The following ATP8B4 variants were observed in gnomAD, a reference collection of about 807,000 sequenced individuals.
ATP8B4 encodes the protein probable phospholipid-transporting ATPase IM.
A neutral mutation model predicts 145.6 loss-of-function variants in ATP8B4; 133 were observed. That is an observed-to-expected ratio of 0.91 (90% confidence interval 0.79 to 1.05). ATP8B4 has a LOEUF of 1.05. ATP8B4 is among the 50% of genes least tolerant of loss of function. The pLI is 0.00. For missense variants in ATP8B4, 1,458 were observed against 1,425.2 expected (o/e 1.02, Z -0.37); for synonymous variants, 507 against 492.9 (o/e 1.03, Z -0.38).
chr15:49,887,401 G>C (rs1358346112), intron 23 of ATP8B4, among the ~76,000 whole-genome samples: 3 of 151,712 alleles, frequency 2.0e-5, no homozygotes, highest in South Asian at 4.2e-4. Flanking sequence ...AGAGGGGCAG[G>C]GTGGAGGTTG....
chr15:49,942,601 T>C (rs1338056138), intron 14 of ATP8B4, among the ~76,000 whole-genome samples: 1 of 151,478 alleles, frequency 6.6e-6, no homozygotes, highest in East Asian at 1.9e-4. Flanking sequence ...GGAATAGAAG[T>C]AAGAAAAGTC....
At chr15:50,002,281 T>A in intron 7 of ATP8B4, 58 bp from the exon 8 acceptor site, 1 of 1,395,082 alleles carries the variant, frequency 7.2e-7, no homozygotes, top group Non-Finnish European at 1.0e-6. Flanking sequence ...TTGAAAGTCT[T>A]CTACAGTATA....
At chr15:50,032,443 A>G (rs927969183) in intron 6 of ATP8B4, among the ~76,000 whole-genome samples, 3 of 152,194 alleles carry the variant, frequency 2.0e-5, no homozygotes, top group Non-Finnish European at 2.9e-5. Context: ...ATTGATGGGC[A>G]TTTGGGTTGG....
intron 3 of ATP8B4, among the ~76,000 whole-genome samples, chr15:50,061,669 T>C (rs1204363493): frequency 1.3e-5 from 2 of 152,198 alleles, no homozygotes; most frequent in African/African-American, 4.8e-5. Context: ...AGTTTAGGTT[T>C]AGATCTACTT....
At chr15:50,162,876 T>C (rs552276193) in intron 1 of ATP8B4, among the ~76,000 whole-genome samples, 319 of 152,304 alleles carry the variant, frequency 2.1e-3, no homozygotes, top group African/African-American at 7.4e-3. Flanking sequence ...ACTAATTCTT[T>C]ATTCTGCTTG....
At chr15:50,038,951 A>C in intron 5 of ATP8B4, 122 bp from the exon 6 acceptor site, 3 of 805,098 alleles carry the variant, frequency 3.7e-6, no homozygotes, top group Non-Finnish European at 6.1e-6. Context: ...CTAAGATGAC[A>C]CTGTTTGAGC....
chr15:50,031,273 C>T (rs1004070515), intron 6 of ATP8B4, among the ~76,000 whole-genome samples: 10 of 152,068 alleles, frequency 6.6e-5, no homozygotes, highest in African/African-American at 1.7e-4. Context: ...AATCTTCTTT[C>T]AAATCTGCAA....
Position 50,135,926 on chromosome 15 carries a change from G to A in ATP8B4, c.-42-28918C>T, listed in dbSNP as rs147520297. 7.0e-4 allele frequency among the ~76,000 whole-genome samples: 107 copies of A among 152,284 alleles called. 1 individual carries two copies. The East Asian group carries it at 9.1e-3, about 13-fold the overall frequency. On this transcript the variant is annotated intron_variant, in intron 1 of 3. Coordinates refer to the ATP8B4 transcript ENST00000558829. ...AAATTAAACTGAACGGTCCTCTGAC[G>A]TTTAATAATTCTTTCATGTACATTT...
intron 9 of ATP8B4, among the ~76,000 whole-genome samples, chr15:49,989,221 T>C (rs1376549644): frequency 1.3e-5 from 2 of 152,178 alleles, no homozygotes; most frequent in Non-Finnish European, 2.9e-5. Flanking sequence ...GACAACTATG[T>C]TGTAGATGAG....
At chr15:50,007,714 C>T (rs1330815050) in intron 7 of ATP8B4, among the ~76,000 whole-genome samples, 2 of 152,020 alleles carry the variant, frequency 1.3e-5, no homozygotes, top group Admixed American at 6.6e-5. Flanking sequence ...TAAGTTTTGC[C>T]CCCCGAATAT....
intron 10 of ATP8B4, chr15:49,982,376 T>G (rs1236217575): frequency 1.3e-5 from 2 of 152,200 alleles, no homozygotes; most frequent in Non-Finnish European, 2.9e-5. Flanking sequence ...GAATCATTTA[T>G]TAAAATCATA....
chr15:50,087,311 T>TAA (rs1388307225), intron 2 of ATP8B4, among the ~76,000 whole-genome samples: 1 of 112,922 alleles, frequency 8.9e-6, no homozygotes, highest in African/African-American at 3.6e-5. Context: ...CTATTATATA[T>TAA]AATAGATATA....
At chr15:50,059,556 C>T (rs149971929) in intron 3 of ATP8B4, among the ~76,000 whole-genome samples, 1 of 152,292 alleles carries the variant, frequency 6.6e-6, no homozygotes, top group African/African-American at 2.4e-5. Flanking sequence ...ATGAATGAAT[C>T]AAGGGCTCTG....
intron 6 of ATP8B4, among the ~76,000 whole-genome samples, chr15:50,035,237 T>G (rs1450036373): frequency 6.6e-6 from 1 of 152,222 alleles, no homozygotes; most frequent in Non-Finnish European, 1.5e-5. Flanking sequence ...GTTTACATTA[T>G]AATTCACTTG....
chr15:50,039,699 A>C (rs1300468219), intron 5 of ATP8B4, among the ~76,000 whole-genome samples: 1 of 152,166 alleles, frequency 6.6e-6, no homozygotes, highest in East Asian at 1.9e-4. Flanking sequence ...GATTTCATAG[A>C]CTTTAATCAT....
intron 6 of ATP8B4, among the ~76,000 whole-genome samples, chr15:50,025,161 G>A (rs1297121147): frequency 2.6e-5 from 4 of 152,204 alleles, no homozygotes; most frequent in African/African-American, 9.7e-5. Flanking sequence ...AGTCACAGCA[G>A]TAATAGGAAC....
At chr15:49,871,435 C>T (rs927877559) in intron 25 of ATP8B4, among the ~76,000 whole-genome samples, 3 of 152,172 alleles carry the variant, frequency 2.0e-5, no homozygotes, top group African/African-American at 7.2e-5. Flanking sequence ...AGTCATTTAA[C>T]CTCTCTGAAC....
At chr15:49,997,785 C>T (rs755617840) in intron 8 of ATP8B4, among the ~76,000 whole-genome samples, 31 of 152,080 alleles carry the variant, frequency 2.0e-4, no homozygotes, top group South Asian at 2.1e-4. Context: ...TCAAGGAATA[C>T]GCATTGCTAA....
At chr15:50,034,871 A>T (rs1428682355) in intron 6 of ATP8B4, among the ~76,000 whole-genome samples, 2 of 152,192 alleles carry the variant, frequency 1.3e-5, no homozygotes, top group Non-Finnish European at 2.9e-5. Context: ...GCATGACTTG[A>T]GGAAACATCC....
Sources: allele counts gnomAD v4.1 joint callset (sites outside exome capture counted in the v4.1 genomes callset), GRCh38; gene constraint gnomAD v4.1.1; transcripts MANE v1.5; gene names NCBI Gene and HGNC (gene_info 2026-07-23, HGNC 2026-07-21).